Variants in SLC9B2 observed in about 807,000 individuals in gnomAD.
SLC9B2 encodes solute carrier family 9 member B2.
Under a neutral mutation model 52.2 loss-of-function variants are expected in SLC9B2, and 39 were observed. That is an observed-to-expected ratio of 0.75 (90% CI 0.58 to 0.98). SLC9B2 has a LOEUF of 0.98. Ranked by LOEUF, SLC9B2 falls within the 50% of genes least tolerant of loss-of-function variation. The pLI is 0.00. For missense variants in SLC9B2, 626 were observed against 637.5 expected, an observed-to-expected ratio of 0.98 and a Z score of 0.19; for synonymous variants, 214 against 227.0, an observed-to-expected ratio of 0.94 and a Z score of 0.51.
rs1478647440 is a variant in SLC9B2 at position 103,048,783 on chromosome 4, G to A, written c.713+110C>T. Reference sequence around the variant, plus strand: ...TAAATTATGCTGTAACATCTATGTTGCATTTTCTGATATCTATAAGAAAAT... The same window carrying A: ...TAAATTATGCTGTAACATCTATGTTACATTTTCTGATATCTATAAGAAAAT... On this transcript the variant is annotated intron_variant, in intron 6 of 11. Transcript: ENST00000394785. The A allele has an allele frequency of 8.6e-6, 11 of 1,285,224 alleles. No homozygotes were observed. In the East Asian group the frequency reaches 2.8e-4, roughly 33 times the overall value. The allele number at this position is 1,285,224 out of a possible 1,614,324, so 79.6% of individuals were successfully genotyped here.
chr4:103,031,203 T>C (rs950287784), intron 10 of SLC9B2, among the ~76,000 whole-genome samples: 1 of 152,142 alleles, frequency 6.6e-6, no homozygotes, highest in Admixed American at 6.5e-5. Flanking sequence ...TGAGTACATA[T>C]ATACAAATTA....
At chr4:103,063,204 TAATG>T (rs1437956951) in intron 3 of SLC9B2, among the ~76,000 whole-genome samples, 5 of 152,308 alleles carry the variant, frequency 3.3e-5, no homozygotes, top group Non-Finnish European at 7.4e-5. Context: ...TTTAAAAAAA[TAATG>T]AAAAGAACAG....
intron 9 of SLC9B2, among the ~76,000 whole-genome samples, chr4:103,036,339 A>T (rs1054571457): frequency 2.6e-5 from 4 of 152,236 alleles, no homozygotes; most frequent in Non-Finnish European, 5.9e-5. Flanking sequence ...ACAGGGACAC[A>T]AAGAAGGGCA....
chr4:103,047,129 G>A lies in SLC9B2; in HGVS notation c.811C>T (p.Leu271Phe), dbSNP rs1744215970. ...TCATCGAAGCTGCCAGCTGCCATGAGCAAGGTTGGGACACCCTTCTCAACA... is the reference window on the plus strand; with the variant it reads ...TCATCGAAGCTGCCAGCTGCCATGAACAAGGTTGGGACACCCTTCTCAACA... ...YGVEKGVPTL[L>F]MAAGSFDDIL... is the part of the protein sequence containing the mutation. Residue 271 changes from leucine (L) to phenylalanine (F), a missense_variant, in exon 7 of 12, where the codon CTC (leucine) becomes TTC (phenylalanine). Leu to Phe is a conservative substitution (Grantham distance 22). Transcript: ENST00000394785. 1 of 1,613,898 alleles carries A rather than the reference G, an allele frequency of 6.2e-7. No individual in the cohort carries two copies. The highest frequency in any genetic ancestry group is 8.5e-7 in the Non-Finnish European group (1 of 1,179,952).
intron 1 of SLC9B2, among the ~76,000 whole-genome samples, chr4:103,068,528 T>A (rs534797317): frequency 3.9e-5 from 6 of 152,302 alleles, no homozygotes; most frequent in Non-Finnish European, 8.8e-5. Context: ...AGCATGAGAA[T>A]AAAAGCCCTC....
At position 103,059,064 on chromosome 4, in the gene SLC9B2, C is replaced by CA. The variant is rs35998000; in HGVS notation, c.272-1094dup. Reference sequence around the variant, plus strand: ...CCTGTGTTACACAGCGATACCCTGCCAAAAAAAAAGTGAAATGTTTCCATT... The same window carrying CA: ...CCTGTGTTACACAGCGATACCCTGCCAAAAAAAAAAGTGAAATGTTTCCATT... On this transcript the variant is annotated intron_variant, in intron 3 of 11. Transcript: ENST00000394785. Among the ~76,000 whole-genome samples, 49 of 148,330 alleles carry CA rather than the reference C, an allele frequency of 3.3e-4. 5 individuals are homozygous for CA. Among genetic ancestry groups the CA allele is most frequent in the Admixed American group, 2.5e-3 (37 of 14,960 alleles).
chr4:103,043,464 C>A lies in SLC9B2; in HGVS notation c.997-19G>T, dbSNP rs571663246. 7.0e-6 allele frequency: 11 copies of A among 1,579,896 alleles called. No homozygotes were observed. In the East Asian group the frequency reaches 2.0e-4, roughly 29 times the overall value. On this transcript the variant is annotated intron_variant, in intron 8 of 11. Coordinates refer to ENST00000394785, the MANE Select transcript of SLC9B2 (RefSeq NM_178833.7). The stretch of plus-strand genomic sequence containing the variant: ...GTTTGTCCTTTAGGAGAAAAAAATT[C>A]ATTTGCTCAATTATTTCAAATCCCT...
chr4:103,044,562 C>T (rs929335580), intron 8 of SLC9B2, among the ~76,000 whole-genome samples: 1 of 151,982 alleles, frequency 6.6e-6, no homozygotes, highest in African/African-American at 2.4e-5. Flanking sequence ...TAAAAAAGGG[C>T]ACAAAAAAGC....
chr4:103,055,181 T>A (rs1023256836), intron 4 of SLC9B2, among the ~76,000 whole-genome samples: 1 of 140,108 alleles, frequency 7.1e-6, no homozygotes, highest in Non-Finnish European at 1.5e-5. Context: ...TAGGTGGGAA[T>A]TGAACAGTGA....
At chr4:103,058,960 G>A (rs568099359) in intron 3 of SLC9B2, among the ~76,000 whole-genome samples, 2 of 152,062 alleles carry the variant, frequency 1.3e-5, no homozygotes, top group East Asian at 1.9e-4. Flanking sequence ...CCAGCTACTC[G>A]GGAAGCTGAG....
At chr4:103,027,212 T>C (rs1197826749) in intron 11 of SLC9B2, among the ~76,000 whole-genome samples, 1 of 152,246 alleles carries the variant, frequency 6.6e-6, no homozygotes, top group Non-Finnish European at 1.5e-5. Flanking sequence ...AAGTTCTATG[T>C]ACTAAATTTT....
Position 103,066,360 on chromosome 4 carries a change from G to C in SLC9B2, c.238C>G (p.Pro80Ala), listed in dbSNP as rs1346662365. The change falls in exon 3 of 12, where the codon CCA (proline) becomes GCA (alanine). Residue 80 changes from proline (P) to alanine (A), a missense_variant. Transcript: ENST00000394785. ...ATGACCCTGTCCAGTAAACCATGTG[G>C]AGGGCAAGCCAGCATTTGTCTCAGT... is the stretch of plus-strand genomic sequence containing the variant. Reference protein sequence around the residue: ...QRLRQMLACPPHGLLDRVITN... With the variant: ...QRLRQMLACPAHGLLDRVITN... 11 of 1,613,840 alleles carry C rather than the reference G, an allele frequency of 6.8e-6. No homozygotes were observed. Among genetic ancestry groups the C allele is most frequent in the Non-Finnish European group, 9.3e-6 (11 of 1,179,914 alleles).
At chr4:103,051,113 G>C (rs1744639984) in intron 4 of SLC9B2, among the ~76,000 whole-genome samples, 1 of 152,198 alleles carries the variant, frequency 6.6e-6, no homozygotes, top group African/African-American at 2.4e-5. Flanking sequence ...AGAGGATGAA[G>C]AAACGGCTAG....
downstream of SLC9B2, among the ~76,000 whole-genome samples, chr4:103,021,179 C>T (rs953702029): frequency 6.6e-6 from 1 of 152,076 alleles, no homozygotes; most frequent in Non-Finnish European, 1.5e-5. Flanking sequence ...TGTTTGCCTC[C>T]AAGGCACTAC....
intron 9 of SLC9B2, among the ~76,000 whole-genome samples, chr4:103,039,086 A>G (rs184934498): frequency 2.0e-5 from 3 of 152,186 alleles, no homozygotes; most frequent in Non-Finnish European, 4.4e-5. Context: ...TTAGATGATT[A>G]TTGTATTCAC....
intron 11 of SLC9B2, among the ~76,000 whole-genome samples, chr4:103,027,238 G>A (rs1742304315): frequency 6.6e-6 from 1 of 152,106 alleles, no homozygotes; most frequent in South Asian, 2.1e-4. Flanking sequence ...AATAAAGATG[G>A]AAATTACTGG....
chr4:103,070,638 C>T (rs1402659972), intron 1 of SLC9B2, among the ~76,000 whole-genome samples: 1 of 152,114 alleles, frequency 6.6e-6, no homozygotes, highest in Non-Finnish European at 1.5e-5. Flanking sequence ...GATGGGTTTT[C>T]GCCATGTCAG....
chr4:103,022,270 CTGTTT>C lies in SLC9B2; in HGVS notation c.*4095_*4099del, dbSNP rs1741842458. On this transcript the variant is annotated 3_prime_UTR_variant, in exon 12 of 12. Coordinates refer to ENST00000394785, the MANE Select transcript of SLC9B2 (RefSeq NM_178833.7). ...AAGCTCCATGAAGGCAGGGATTTGTCTGTTTTATTCATTGCAAAATGAATATCTGA... is the reference window on the plus strand; with the variant it reads ...AAGCTCCATGAAGGCAGGGATTTGTCTATTCATTGCAAAATGAATATCTGA... 6.6e-6 allele frequency among the ~76,000 whole-genome samples: 1 copy of C among 152,144 alleles called. No individual in the cohort carries two copies. Among genetic ancestry groups the C allele is most frequent in the Non-Finnish European group, 1.5e-5 (1 of 68,026 alleles).
intron 2 of SLC9B2, among the ~76,000 whole-genome samples, 198 bp downstream of exon 2, chr4:103,067,263 A>G (rs970213853): frequency 6.6e-6 from 1 of 152,188 alleles, no homozygotes; most frequent in African/African-American, 2.4e-5. Flanking sequence ...AAACCATTCT[A>G]GAGATTAGGT....
Sources: allele counts gnomAD v4.1 joint callset (sites outside exome capture counted in the v4.1 genomes callset), GRCh38; gene constraint gnomAD v4.1.1; transcripts MANE v1.5; gene names NCBI Gene and HGNC (gene_info 2026-07-23, HGNC 2026-07-21).